The following IQCM variants were observed in gnomAD, a reference collection of about 807,000 sequenced individuals.
IQCM encodes the protein IQ motif containing M.
Under a neutral mutation model 57.6 loss-of-function variants are expected in IQCM, and 45 were observed. The observed-to-expected ratio is 0.78, with a 90% CI of 0.62 to 1.00. IQCM has a LOEUF of 1.00. Ranked by LOEUF, IQCM falls within the 50% of genes least tolerant of loss-of-function variation. IQCM has a pLI of 0.00. For synonymous variants in IQCM, 148 were observed against 158.9 expected (o/e 0.93, Z 0.51); for missense variants, 468 against 511.6 (o/e 0.91, Z 0.82).
At position 149,606,533 on chromosome 4, in the gene IQCM, A is replaced by G. The variant is rs962570343; in HGVS notation, c.681+14596T>C. Among the ~76,000 whole-genome samples, 3 of 152,154 alleles carry G rather than the reference A, an allele frequency of 2.0e-5. No individual in the cohort carries two copies. In the South Asian group the frequency reaches 6.2e-4, roughly 32 times the overall value. Reference sequence around the variant, plus strand: ...ACATCCACAAGCATCAAGAACATCCAGGAAAACATGACCTCACCAAATTGA... The same window carrying G: ...ACATCCACAAGCATCAAGAACATCCGGGAAAACATGACCTCACCAAATTGA... On this transcript the variant is annotated intron_variant, in intron 8 of 13. Coordinates refer to ENST00000636793, the MANE Select transcript of IQCM (RefSeq NM_001363507.2).
At chr4:149,812,885 G>C (rs547371785) in intron 2 of IQCM, among the ~76,000 whole-genome samples, 1 of 152,154 alleles carries the variant, frequency 6.6e-6, no homozygotes, top group Admixed American at 6.6e-5. Context: ...CATGATAAAA[G>C]CCTCTAGCAT....
chr4:149,736,910 T>A (rs1448507671), intron 3 of IQCM, among the ~76,000 whole-genome samples: 3 of 152,222 alleles, frequency 2.0e-5, no homozygotes, highest in Non-Finnish European at 4.4e-5. Context: ...GCTTTACTCA[T>A]AATAATTCTA....
chr4:149,638,608 C>A lies in IQCM; in HGVS notation c.566-17364G>T, dbSNP rs373373402. 4.1e-4 allele frequency among the ~76,000 whole-genome samples: 63 copies of A among 152,100 alleles called. 1 individual carries two copies. In the South Asian group the frequency reaches 0.012, roughly 30 times the overall value. Reference sequence around the variant, plus strand: ...GATATATGCAAAAACATGGATAAATCTAAAAATATTATGCTAATTAAAAGC... The same window carrying A: ...GATATATGCAAAAACATGGATAAATATAAAAATATTATGCTAATTAAAAGC... On this transcript the variant is annotated intron_variant, in intron 7 of 13. Coordinates refer to ENST00000636793, the MANE Select transcript of IQCM (RefSeq NM_001363507.2).
At chr4:149,463,492 G>A (rs533355306) in intron 12 of IQCM, among the ~76,000 whole-genome samples, 2 of 152,240 alleles carry the variant, frequency 1.3e-5, no homozygotes, top group African/African-American at 2.4e-5. Context: ...CAGACAGGTC[G>A]TTTTCTATTC....
At chr4:149,377,206 T>A (rs560741239) in intron 13 of IQCM, among the ~76,000 whole-genome samples, 46 of 152,302 alleles carry the variant, frequency 3.0e-4, no homozygotes, top group Non-Finnish European at 5.1e-4. Context: ...TTGAATCAAT[T>A]AACATTCTGA....
intron 2 of IQCM, among the ~76,000 whole-genome samples, chr4:149,796,852 T>C (rs576045290): frequency 4.1e-4 from 63 of 152,270 alleles, no homozygotes; most frequent in African/African-American, 1.4e-3. Flanking sequence ...ACCACAGTAT[T>C]GCTGGACTTG....
chr4:149,526,791 T>G (rs1358635854), intron 12 of IQCM, among the ~76,000 whole-genome samples: 1 of 152,156 alleles, frequency 6.6e-6, no homozygotes, highest in Admixed American at 6.5e-5. Context: ...GAATGCAACA[T>G]ATTACTATCC....
intron 5 of IQCM, among the ~76,000 whole-genome samples, chr4:149,697,580 C>T (rs1412429697): frequency 2.6e-5 from 4 of 152,062 alleles, no homozygotes; most frequent in African/African-American, 9.7e-5. Context: ...TTTACCAGCA[C>T]ACCATTGGTC....
chr4:149,513,903 G>T (rs1044894543), intron 12 of IQCM, among the ~76,000 whole-genome samples: 1 of 152,052 alleles, frequency 6.6e-6, no homozygotes, highest in African/African-American at 2.4e-5. Context: ...CTAGATACCA[G>T]AAATATTAGG....
At chr4:149,430,322 A>G (rs1213156940) in intron 13 of IQCM, among the ~76,000 whole-genome samples, 1 of 151,994 alleles carries the variant, frequency 6.6e-6, no homozygotes, top group Non-Finnish European at 1.5e-5. Flanking sequence ...TGGTTCTTTA[A>G]TATTTATATT....
At chr4:149,408,397 T>C (rs1733134358) in intron 13 of IQCM, among the ~76,000 whole-genome samples, 1 of 152,192 alleles carries the variant, frequency 6.6e-6, no homozygotes, top group Non-Finnish European at 1.5e-5. Flanking sequence ...CAAGAGCTTC[T>C]CCTAAACTGA....
intron 5 of IQCM, among the ~76,000 whole-genome samples, chr4:149,718,737 C>T (rs76139016): frequency 0.013 from 1,968 of 152,242 alleles, 50 homozygotes; most frequent in African/African-American, 0.045. Context: ...CAGCTTCTGG[C>T]GACTGCCAGA....
intron 10 of IQCM, among the ~76,000 whole-genome samples, chr4:149,559,951 T>A (rs554977118): frequency 1.6e-3 from 249 of 152,294 alleles, no homozygotes; most frequent in African/African-American, 5.8e-3. Context: ...ATGCAGGGGA[T>A]CCAGGTTGTG....
intron 5 of IQCM, among the ~76,000 whole-genome samples, chr4:149,689,340 A>T (rs1371901910): frequency 6.6e-6 from 1 of 152,048 alleles, no homozygotes; most frequent in Non-Finnish European, 1.5e-5. Flanking sequence ...GTTCTCACTC[A>T]TAAGTGGGAG....
chr4:149,650,760 C>G (rs1486176877), intron 7 of IQCM, among the ~76,000 whole-genome samples: 1 of 152,098 alleles, frequency 6.6e-6, no homozygotes, highest in Non-Finnish European at 1.5e-5. Context: ...AACTAACGCA[C>G]CCTAGTTTTA....
rs1739819825 is a variant in IQCM, at chr4:149,473,485, G to A, written c.1229-39928C>T. Among the ~76,000 whole-genome samples, 7 of 152,340 alleles carry A rather than the reference G, an allele frequency of 4.6e-5. No homozygotes were observed. The South Asian group carries it at 1.5e-3, about 32-fold the overall frequency. On this transcript the variant is annotated intron_variant, in intron 12 of 13. Transcript: ENST00000636793. ...AAAAGTCAGGAAACAACAGGTGCCG[G>A]AGAGGATGTGGAGACATAGGAACAG...
chr4:149,367,556 T>C (rs1355348532), intron 13 of IQCM, among the ~76,000 whole-genome samples: 1 of 151,978 alleles, frequency 6.6e-6, no homozygotes, highest in African/African-American at 2.4e-5. Flanking sequence ...GGCCATAATA[T>C]TCCTCTACTG....
chr4:149,571,990 T>C (rs1159726634), intron 9 of IQCM, among the ~76,000 whole-genome samples: 1 of 152,082 alleles, frequency 6.6e-6, no homozygotes, highest in African/African-American at 2.4e-5. Flanking sequence ...TGTCTAGCAC[T>C]AATCTCCAAA....
chr4:149,774,524 T>A (rs1770890811), intron 2 of IQCM, among the ~76,000 whole-genome samples: 1 of 152,068 alleles, frequency 6.6e-6, no homozygotes. Context: ...AAGGCTAGGG[T>A]GGGAAGGCCA....
Sources: gnomAD v4.1 joint callset for allele counts (sites outside exome capture counted in the v4.1 genomes callset) on GRCh38, gnomAD v4.1.1 for gene constraint, MANE v1.5 for transcripts, NCBI Gene and HGNC (gene_info 2026-07-23, HGNC 2026-07-21) for gene names.